The following SRFBP1 variants were observed in gnomAD, a reference collection of about 807,000 sequenced individuals.
The protein encoded by SRFBP1 is serum response factor-binding protein 1.
SRFBP1 carries 47 observed loss-of-function variants against 45.5 expected under a neutral mutation model. The ratio of observed to expected loss-of-function variants is 1.03; its 90% CI spans 0.82 to 1.32. SRFBP1 has a LOEUF of 1.32. SRFBP1 is among the 40% of genes most tolerant of loss of function. The probability of loss-of-function intolerance (pLI) is 0.00; values close to 1 mark genes in which losing one functional copy is unlikely to be tolerated. For missense variants in SRFBP1, 621 were observed against 484.6 expected, an observed-to-expected ratio of 1.28 and a Z score of -2.64; for synonymous variants, 203 against 166.3, an observed-to-expected ratio of 1.22 and a Z score of -1.70.
At chr5:122,068,018 T>G (rs1336237368) in intron 2 of SRFBP1, among the ~76,000 whole-genome samples, 5 of 152,060 alleles carry the variant, frequency 3.3e-5, no homozygotes, top group Non-Finnish European at 5.9e-5. Context: ...TCAAATATTC[T>G]ATACTTTCCC....
At position 121,974,294 on chromosome 5, in the gene SRFBP1, T is replaced by A; in HGVS notation, c.125+10T>A. 1 of 1,593,362 alleles carries A rather than the reference T, an allele frequency of 6.3e-7. No individual in the cohort carries two copies. The highest frequency in any genetic ancestry group is 8.6e-7 in the Non-Finnish European group (1 of 1,162,332). ...GACTGAAGTCAAAAAAGTTAGTCAT[T>A]TAAAGTAATGATCTTGTGACTAATA... On this transcript the variant is annotated intron_variant, in intron 2 of 7. Transcript: ENST00000339397.
intron 4 of SRFBP1, among the ~76,000 whole-genome samples, chr5:122,014,373 T>G (rs928364757): frequency 2.0e-5 from 3 of 152,124 alleles, no homozygotes; most frequent in African/African-American, 7.2e-5. Flanking sequence ...CTCCTTTGAC[T>G]CACTGCTGCT....
chr5:121,973,543 T>A (rs1752241871), intron 1 of SRFBP1, among the ~76,000 whole-genome samples: 1 of 150,950 alleles, frequency 6.6e-6, no homozygotes, highest in African/African-American at 2.4e-5. Flanking sequence ...CTGCTTTTTG[T>A]TCTTAGAGTT....
intron 2 of SRFBP1, among the ~76,000 whole-genome samples, chr5:122,053,542 G>A (rs1454987178): frequency 6.6e-6 from 1 of 152,036 alleles, no homozygotes; most frequent in Non-Finnish European, 1.5e-5. Context: ...TCAGTGGCAG[G>A]GGTGGGTGGG....
At chr5:121,999,888 A>G (rs188474301) in intron 4 of SRFBP1, among the ~76,000 whole-genome samples, 46 of 152,140 alleles carry the variant, frequency 3.0e-4, no homozygotes, top group African/African-American at 1.0e-3. Flanking sequence ...TTTTTATCCA[A>G]TCTGATAATC....
intron 2 of SRFBP1, among the ~76,000 whole-genome samples, chr5:122,054,440 C>G (rs1754042752): frequency 1.3e-5 from 2 of 152,308 alleles, no homozygotes; most frequent in South Asian, 4.1e-4. Context: ...TGTGGTTTCT[C>G]AGATCATCAG....
intron 4 of SRFBP1, among the ~76,000 whole-genome samples, chr5:122,007,293 G>A (rs1218226306): frequency 2.0e-5 from 3 of 152,056 alleles, no homozygotes; most frequent in Non-Finnish European, 4.4e-5. Flanking sequence ...ATTCAGCCTG[G>A]CACTGGTGAA....
intron 2 of SRFBP1, among the ~76,000 whole-genome samples, chr5:122,044,142 A>G (rs1460262617): frequency 6.6e-6 from 1 of 152,172 alleles, no homozygotes; most frequent in African/African-American, 2.4e-5. Context: ...TTTGCTTAGG[A>G]TAATGGCCTC....
At chr5:122,015,313 G>A (rs1417651947) in intron 4 of SRFBP1, among the ~76,000 whole-genome samples, 2 of 152,142 alleles carry the variant, frequency 1.3e-5, no homozygotes, top group Non-Finnish European at 2.9e-5. Flanking sequence ...CACACTTACT[G>A]CTATAATCTG....
At chr5:122,014,134 T>C (rs931322749) in intron 4 of SRFBP1, among the ~76,000 whole-genome samples, 2 of 152,196 alleles carry the variant, frequency 1.3e-5, no homozygotes, top group Admixed American at 6.5e-5. Context: ...AATATCACTT[T>C]GTACTCTATA....
At chr5:122,006,216 A>G (rs1208101390) in intron 4 of SRFBP1, among the ~76,000 whole-genome samples, 1 of 150,868 alleles carries the variant, frequency 6.6e-6, no homozygotes, top group East Asian at 2.0e-4. Context: ...ATATCATCCC[A>G]CTCTTTCCTG....
At chr5:121,982,340 A>G (rs1752426833) in intron 3 of SRFBP1, among the ~76,000 whole-genome samples, 1 of 152,072 alleles carries the variant, frequency 6.6e-6, no homozygotes, top group South Asian at 2.1e-4. Context: ...ATGAAACAGC[A>G]TTTAGTAACA....
rs1421132351 is a variant in SRFBP1 at position 122,056,678 on chromosome 5, G to A, written n.312-18637G>A. Among the ~76,000 whole-genome samples the A allele has an allele frequency of 2.0e-5, 3 of 152,120 alleles. No homozygotes were observed. The South Asian group carries it at 6.2e-4, about 32-fold the overall frequency. On this transcript the variant is annotated intron_variant and non_coding_transcript_variant, in intron 2 of 2. Transcript: ENST00000504881. The stretch of plus-strand genomic sequence containing the variant: ...CCTAATTTTGTTTAAAAAGTAAGAA[G>A]ACAAGGTGTTAGCCAAGTAACACTT...
downstream of SRFBP1, chr5:122,077,670 T>G (rs575026013): frequency 2.3e-5 from 37 of 1,604,604 alleles, no homozygotes; most frequent in South Asian, 2.6e-4. The surrounding 1 kb of genome is among the most constrained non-coding windows in gnomAD (Gnocchi z 4.9). Flanking sequence ...GAGCCGGCCG[T>G]CCGCGTTCGC....
chr5:122,071,704 G>A (rs1477146628), intron 2 of SRFBP1, among the ~76,000 whole-genome samples: 1 of 152,156 alleles, frequency 6.6e-6, no homozygotes, highest in Admixed American at 6.5e-5. Context: ...CAAAGTACAT[G>A]CTAGATTCAT....
chr5:122,024,962 A>AT (rs1370848512), intron 7 of SRFBP1, among the ~76,000 whole-genome samples: 2 of 151,470 alleles, frequency 1.3e-5, no homozygotes, highest in East Asian at 3.9e-4. Flanking sequence ...TGTTTTTTTT[A>AT]TTTTTATTAT....
chr5:122,056,154 T>G (rs1003159708), intron 2 of SRFBP1, among the ~76,000 whole-genome samples: 2 of 152,102 alleles, frequency 1.3e-5, no homozygotes, highest in Non-Finnish European at 2.9e-5. Context: ...CCGTTCTATC[T>G]TCTCTCTCTT....
In SRFBP1 at chr5:122,020,692, A is replaced by G. The variant is rs761019261; in HGVS notation, c.957A>G (p.Thr319=). The G allele has an allele frequency of 6.2e-7, 1 of 1,613,882 alleles. No homozygotes were observed. Among genetic ancestry groups the G allele is most frequent in the Non-Finnish European group, 8.5e-7 (1 of 1,179,970 alleles). ...AAAAAGTGTTTCTTAAAGAAGATAC[A>G]GGTGAAACTCATGGGGATACAAGAA... ...PLEKVFLKED[T]GETHGDTRND... is the part of the protein sequence containing the mutation. Residue 319 remains threonine, a synonymous_variant, in exon 6 of 8, where the codon ACA becomes ACG. Transcript: ENST00000339397.
At chr5:122,051,141 T>A (rs531523714) in intron 2 of SRFBP1, among the ~76,000 whole-genome samples, 4 of 152,304 alleles carry the variant, frequency 2.6e-5, no homozygotes, top group East Asian at 1.9e-4. Context: ...CTAGTCTTTT[T>A]TAATTTGCTG....
Sources: gnomAD v4.1 joint callset for allele counts (sites outside exome capture counted in the v4.1 genomes callset) on GRCh38, gnomAD v4.1.1 for gene constraint, Gnocchi (gnomAD v3.1) non-coding constraint, MANE v1.5 for transcripts, NCBI Gene and HGNC (gene_info 2026-07-23, HGNC 2026-07-21) for gene names.